CELF2: variants seen among roughly 807,000 people sequenced by gnomAD.
CELF2 encodes CUGBP Elav-like family member 2, also known as CUG triplet repeat RNA-binding protein 2.
A neutral mutation model predicts 62.6 loss-of-function variants in CELF2; 8 were observed. That is an observed-to-expected ratio of 0.13 (90% CI 0.07 to 0.23). The LOEUF (loss-of-function observed/expected upper bound fraction) is 0.23, where lower values mean the gene tolerates loss of function less well. Ranked by LOEUF, CELF2 falls within the 10% of genes least tolerant of loss-of-function variation. CELF2 has a pLI of 1.00. For synonymous variants in CELF2, 258 were observed against 250.0 expected (o/e 1.03, Z -0.30); for missense variants, 333 against 671.0 (o/e 0.50, Z 5.56).
At chr10:10,726,011 CT>C in the CELF2 span, among the ~76,000 whole-genome samples, 2 of 152,072 alleles carry the variant, frequency 1.3e-5, no homozygotes, top group African/African-American at 4.8e-5. Context: ...AGGACTCATT[CT>C]TGCTTTTTCC....
At chr10:10,944,905 A>T (rs2047485989) in intron 2 of CELF2, among the ~76,000 whole-genome samples, 1 of 152,126 alleles carries the variant, frequency 6.6e-6, no homozygotes, top group South Asian at 2.1e-4. Context: ...ATCCAGCCAG[A>T]TGTTTCTTAA....
intron 1 of CELF2, among the ~76,000 whole-genome samples, chr10:11,047,853 C>T (rs1254173395): frequency 6.6e-6 from 1 of 152,138 alleles, no homozygotes; most frequent in Admixed American, 6.5e-5. Context: ...ATTTACCCAT[C>T]ATGTTACTGT....
chr10:11,017,967 G>T lies in CELF2; in HGVS notation c.-123G>T. 1 of 988,306 alleles carries T rather than the reference G, an allele frequency of 1.0e-6. No homozygotes were observed. The highest frequency in any genetic ancestry group is 1.2e-6 in the Non-Finnish European group (1 of 833,306). The allele number at this position is 988,306 out of a possible 1,614,324, so 61.2% of individuals were successfully genotyped here. On this transcript the variant is annotated 5_prime_UTR_variant, in exon 1 of 13. Transcript: ENST00000633077. The surrounding 1 kb of genome is among the most constrained non-coding windows in gnomAD (Gnocchi z 5.5). ...AGCGCGAGGAGAGAATGTGACAAGT[G>T]CCGGCTCGGCGGCCGCCGGGGGAGG...
chr10:10,901,084 G>A (rs188438121), intron 1 of CELF2, among the ~76,000 whole-genome samples: 2 of 152,322 alleles, frequency 1.3e-5, no homozygotes, highest in East Asian at 1.9e-4. Flanking sequence ...AGACTCAATA[G>A]TGTTAACAAA....
At chr10:10,967,334 A>ACCTCT (rs1461344248) in intron 2 of CELF2, among the ~76,000 whole-genome samples, 1 of 152,198 alleles carries the variant, frequency 6.6e-6, no homozygotes, top group African/African-American at 2.4e-5. Context: ...TATATAGGAG[A>ACCTCT]AACTTTTAGG....
chr10:10,792,076 GA>G, the CELF2 span, among the ~76,000 whole-genome samples: 691 of 138,818 alleles, frequency 5.0e-3, 11 homozygotes, highest in South Asian at 0.013. Flanking sequence ...GAGGAAGGAG[GA>G]AAGGGAGGGA....
At chr10:10,590,420 A>G in the CELF2 span, among the ~76,000 whole-genome samples, 1 of 152,226 alleles carries the variant, frequency 6.6e-6, no homozygotes, top group African/African-American at 2.4e-5. Flanking sequence ...ACAATTCACA[A>G]ACTGAATTAT....
the CELF2 span, among the ~76,000 whole-genome samples, chr10:10,618,811 C>G: frequency 6.6e-6 from 1 of 152,070 alleles, no homozygotes; most frequent in Non-Finnish European, 1.5e-5. Context: ...AGCTCTCTCT[C>G]TTGCAGAGAG....
At chr10:11,166,514 C>A (rs1330281316) in intron 2 of CELF2, among the ~76,000 whole-genome samples, 1 of 152,182 alleles carries the variant, frequency 6.6e-6, no homozygotes, top group African/African-American at 2.4e-5. Context: ...TCTGCTGCTA[C>A]CACTTGGTCT....
At chr10:10,564,772 C>T in the CELF2 span, among the ~76,000 whole-genome samples, 2 of 151,662 alleles carry the variant, frequency 1.3e-5, no homozygotes, top group Non-Finnish European at 2.9e-5. Context: ...TTCCACAGTG[C>T]TCTAAACAAT....
chr10:11,148,843 AACACAC>A (rs58567770), intron 1 of CELF2, among the ~76,000 whole-genome samples: 13 of 146,804 alleles, frequency 8.9e-5, no homozygotes, highest in African/African-American at 1.8e-4. Flanking sequence ...TCTTAAACCA[AACACAC>A]ACACACACAC....
chr10:10,625,848 A>T, the CELF2 span, among the ~76,000 whole-genome samples: 1 of 151,934 alleles, frequency 6.6e-6, no homozygotes, highest in Admixed American at 6.6e-5. Flanking sequence ...CACCAGCACG[A>T]TTGCTTCATT....
At chr10:11,122,801 C>T (rs2058008724) in intron 1 of CELF2, among the ~76,000 whole-genome samples, 1 of 152,184 alleles carries the variant, frequency 6.6e-6, no homozygotes, top group Non-Finnish European at 1.5e-5. Context: ...CCTTCTTGGA[C>T]AGAAACCTAG....
At chr10:10,563,052 A>G in the CELF2 span, among the ~76,000 whole-genome samples, 1 of 152,106 alleles carries the variant, frequency 6.6e-6, no homozygotes, top group Non-Finnish European at 1.5e-5. Context: ...CATGGTTGCC[A>G]TGTAAATGTT....
the CELF2 span, among the ~76,000 whole-genome samples, chr10:10,649,751 C>T: frequency 2.4e-4 from 37 of 152,298 alleles, no homozygotes; most frequent in Non-Finnish European, 1.2e-4. Context: ...TTTCTGGAGA[C>T]AGACATCCCA....
At chr10:10,916,043 C>T (rs1380466191) in intron 1 of CELF2, among the ~76,000 whole-genome samples, 1 of 152,184 alleles carries the variant, frequency 6.6e-6, no homozygotes. Flanking sequence ...CTTTAAATCA[C>T]CTCAGGTGGG....
rs1459512191 is a variant in CELF2 at position 11,012,579 on chromosome 10, C to A, written c.53+7139C>A. Among the ~76,000 whole-genome samples, 1 of 152,184 alleles carries A rather than the reference C, an allele frequency of 6.6e-6. No homozygotes were observed. Among genetic ancestry groups the A allele is most frequent in the Non-Finnish European group, 1.5e-5 (1 of 68,032 alleles). On this transcript the variant is annotated intron_variant, in intron 1 of 12. Transcript: ENST00000416382. This position sits in a 1 kb window ranked among gnomAD's most constrained non-coding sequence, Gnocchi z 5.5. The stretch of plus-strand genomic sequence containing the variant: ...GCCTTCTCCGGGACCGAATGTTACG[C>A]CTGCAACTGTGTCCTCCCAGCTGTT...
At position 11,039,304 on chromosome 10, in the gene CELF2, A is replaced by G. The variant is rs2061441297; in HGVS notation, c.74+21141A>G. ...GCTGGTGCTGAGATGAACTGGGCCAATTCTCATGGGGCACCTCCCATGCCA... is the reference window on the plus strand; with the variant it reads ...GCTGGTGCTGAGATGAACTGGGCCAGTTCTCATGGGGCACCTCCCATGCCA... On this transcript the variant is annotated intron_variant, in intron 1 of 12. Transcript: ENST00000633077. The surrounding 1 kb of genome is among the most constrained non-coding windows in gnomAD (Gnocchi z 4.1). Among the ~76,000 whole-genome samples the G allele has an allele frequency of 6.6e-6, 1 of 152,194 alleles. No individual in the cohort carries two copies. The highest frequency in any genetic ancestry group is 2.1e-4 in the South Asian group (1 of 4,830).
the CELF2 span, among the ~76,000 whole-genome samples, chr10:10,636,056 A>G: frequency 2.0e-5 from 3 of 152,362 alleles, no homozygotes; most frequent in South Asian, 6.2e-4. Context: ...CCCTTAAGAA[A>G]TATATCAAAT....
Sources: allele counts gnomAD v4.1 joint callset (sites outside exome capture counted in the v4.1 genomes callset), GRCh38; gene constraint gnomAD v4.1.1; non-coding constraint Gnocchi (gnomAD v3.1); transcripts MANE v1.5; gene names NCBI Gene and HGNC (gene_info 2026-07-23, HGNC 2026-07-21).